The following CYRIB variants were observed in gnomAD, a reference collection of about 807,000 sequenced individuals.
The protein encoded by CYRIB is CYFIP-related Rac1 interactor B.
Under a neutral mutation model 44.2 loss-of-function variants are expected in CYRIB, and 8 were observed. That is an observed-to-expected ratio of 0.18 (90% CI 0.11 to 0.33). The LOEUF is 0.33. Among genes scored for constraint, CYRIB ranks in the 10% least tolerant of loss-of-function variants. The pLI is 1.00. For synonymous variants in CYRIB, 131 were observed against 127.2 expected, an observed-to-expected ratio of 1.03 and a Z score of -0.20; for missense variants, 185 against 382.8, an observed-to-expected ratio of 0.48 and a Z score of 4.31.
At chr8:129,893,551 A>G (rs1208521161) in intron 2 of CYRIB, among the ~76,000 whole-genome samples, 1 of 152,226 alleles carries the variant, frequency 6.6e-6, no homozygotes. Flanking sequence ...AAAAAATACT[A>G]TTCACAGTCT....
At chr8:129,839,909 G>C (rs547771829) in exon 12 of CYRIB, 1 of 152,186 alleles carries the variant, frequency 6.6e-6, no homozygotes, top group East Asian at 1.9e-4. Flanking sequence ...GTCCACCGAA[G>C]CATTCACTTG....
intron 1 of CYRIB, among the ~76,000 whole-genome samples, chr8:129,989,009 G>A (rs2096555276): frequency 1.3e-5 from 2 of 152,150 alleles, no homozygotes; most frequent in African/African-American, 2.4e-5. Flanking sequence ...CGAAATCACC[G>A]TCCAGCATCA....
intron 1 of CYRIB, among the ~76,000 whole-genome samples, chr8:130,010,343 G>A (rs947046604): frequency 3.3e-5 from 5 of 152,144 alleles, no homozygotes; most frequent in East Asian, 1.9e-4. Context: ...ACTGTGGAGC[G>A]GTGAGCAAAA....
intron 1 of CYRIB, among the ~76,000 whole-genome samples, chr8:130,006,733 G>T (rs887782388): frequency 7.0e-6 from 1 of 142,458 alleles, no homozygotes; most frequent in Non-Finnish European, 1.5e-5. Flanking sequence ...GCACACCCAA[G>T]GTATGAGCAG....
chr8:129,842,575 A>G (rs1205626781), intron 11 of CYRIB, among the ~76,000 whole-genome samples: 1 of 152,226 alleles, frequency 6.6e-6, no homozygotes, highest in Non-Finnish European at 1.5e-5. Flanking sequence ...GTGGACTGTG[A>G]GCTAATTCTA....
chr8:129,959,173 A>G (rs1165672413), intron 2 of CYRIB, among the ~76,000 whole-genome samples: 1 of 152,026 alleles, frequency 6.6e-6, no homozygotes, highest in Non-Finnish European at 1.5e-5. Context: ...AAAGTCATTC[A>G]ACAAATCTTT....
Position 129,936,996 on chromosome 8 carries a change from T to C in CYRIB, c.-50+2612A>G, listed in dbSNP as rs531066821. ...TGTTGGGATTACAGGCGTGAGCCAC[T>C]GCGCCCAGCCAGCAGTCTTAAAAAT... is the stretch of plus-strand genomic sequence containing the variant. On this transcript the variant is annotated intron_variant, in intron 1 of 11. Transcript: ENST00000519824. Among the ~76,000 whole-genome samples the C allele has an allele frequency of 2.6e-5, 4 of 152,300 alleles. No individual in the cohort carries two copies. The South Asian group carries it at 8.3e-4, about 32-fold the overall frequency.
upstream of CYRIB, among the ~76,000 whole-genome samples, chr8:129,941,278 T>TG (rs1369413025): frequency 4.0e-5 from 6 of 149,996 alleles, no homozygotes; most frequent in South Asian, 2.1e-4. Context: ...AGGAGATTTT[T>TG]TTTTTTTTTT....
intron 5 of CYRIB, 37 bp downstream of exon 7, chr8:129,862,192 C>T (rs1181937431): frequency 7.1e-7 from 1 of 1,399,974 alleles, no homozygotes; most frequent in South Asian, 1.2e-5. Context: ...ACATCTTTTT[C>T]ACTAGGGAAG....
At chr8:129,978,367 C>T (rs17194571) in intron 1 of CYRIB, among the ~76,000 whole-genome samples, 7,943 of 152,246 alleles carry the variant, frequency 0.052, 206 homozygotes, top group Middle Eastern at 0.071. Context: ...GCAGGCTTCA[C>T]ACAAGTGATT....
At chr8:129,879,314 G>T (rs900419422) in intron 3 of CYRIB, 75 bp downstream of exon 5, 11 of 984,238 alleles carry the variant, frequency 1.1e-5, no homozygotes, top group Non-Finnish European at 1.7e-5. Context: ...TGGCAAAGTG[G>T]AAACATTCAT....
chr8:129,926,135 T>C (rs1234567008), intron 1 of CYRIB, among the ~76,000 whole-genome samples: 4 of 152,196 alleles, frequency 2.6e-5, no homozygotes, highest in African/African-American at 9.6e-5. Flanking sequence ...GTTCCACCCA[T>C]TTTAGCACCT....
At chr8:130,006,614 A>ATGTGTATATATATATATATG (rs2097094364) in intron 1 of CYRIB, among the ~76,000 whole-genome samples, 6 of 16,624 alleles carry the variant, frequency 3.6e-4, no homozygotes, top group Non-Finnish European at 6.0e-4. Flanking sequence ...ATACATATAT[A>ATGTGTATATATATATATATG]TGTGTATATA....
intron 1 of CYRIB, among the ~76,000 whole-genome samples, chr8:129,917,621 G>C (rs1438089284): frequency 2.0e-5 from 3 of 152,166 alleles, no homozygotes; most frequent in Non-Finnish European, 2.9e-5. Flanking sequence ...CACTTTGGGA[G>C]GCCAAGGCGG....
chr8:129,854,660 A>G (rs1424704239), intron 6 of CYRIB, among the ~76,000 whole-genome samples: 1 of 152,252 alleles, frequency 6.6e-6, no homozygotes, highest in Non-Finnish European at 1.5e-5. Context: ...TATTACGATA[A>G]AAGTATGTAG....
chr8:129,848,371 TC>T (rs1236584825), intron 10 of CYRIB, among the ~76,000 whole-genome samples: 1 of 152,138 alleles, frequency 6.6e-6, no homozygotes, highest in Non-Finnish European at 1.5e-5. Flanking sequence ...GGAAGACAAT[TC>T]TCACCAAACA....
intron 4 of CYRIB, among the ~76,000 whole-genome samples, chr8:129,867,158 T>C (rs1202523619): frequency 2.0e-5 from 3 of 152,150 alleles, no homozygotes; most frequent in African/African-American, 4.8e-5. Flanking sequence ...AGTTTCACTC[T>C]TGTTGCCCAG....
chr8:129,869,015 G>C (rs549004493), intron 4 of CYRIB, among the ~76,000 whole-genome samples: 1 of 124,176 alleles, frequency 8.1e-6, no homozygotes, highest in African/African-American at 3.1e-5. Context: ...TTGGCCAACA[G>C]AGCGAAACCC....
chr8:129,853,657 G>C (rs1306625852), intron 7 of CYRIB, among the ~76,000 whole-genome samples: 1 of 152,150 alleles, frequency 6.6e-6, no homozygotes, highest in East Asian at 1.9e-4. Context: ...GTTCCTTGGA[G>C]GTAGAAAAGA....
Sources: allele counts gnomAD v4.1 joint callset (sites outside exome capture counted in the v4.1 genomes callset), GRCh38; gene constraint gnomAD v4.1.1; transcripts MANE v1.5; gene names NCBI Gene and HGNC (gene_info 2026-07-23, HGNC 2026-07-21).